UBE2H: variants seen among roughly 807,000 people sequenced by gnomAD.
UBE2H encodes ubiquitin conjugating enzyme E2 H.
A neutral mutation model predicts 29.0 loss-of-function variants in UBE2H; 3 were observed. That is an observed-to-expected ratio of 0.10 (90% CI 0.05 to 0.27). UBE2H has a LOEUF of 0.27. UBE2H is among the 10% of genes least tolerant of loss of function. The pLI, the probability that UBE2H is intolerant of heterozygous loss-of-function variation, is 1.00. For missense variants in UBE2H, 68 were observed against 228.2 expected (o/e 0.30, Z 4.52); for synonymous variants, 69 against 82.9 (o/e 0.83, Z 0.91).
chr7:129,905,229 A>C (rs1806792350), intron 1 of UBE2H, among the ~76,000 whole-genome samples: 1 of 151,794 alleles, frequency 6.6e-6, no homozygotes, highest in Non-Finnish European at 1.5e-5. Context: ...GGGCCACTGA[A>C]GCAACTAGAT....
intron 1 of UBE2H, among the ~76,000 whole-genome samples, chr7:129,949,758 A>C (rs961792113): frequency 2.0e-5 from 3 of 152,024 alleles, no homozygotes; most frequent in Non-Finnish European, 4.4e-5. Flanking sequence ...CCCTACCCCC[A>C]CACTGCTACT....
At chr7:129,906,502 C>T (rs1246932358) in intron 1 of UBE2H, among the ~76,000 whole-genome samples, 2 of 152,058 alleles carry the variant, frequency 1.3e-5, no homozygotes, top group African/African-American at 4.8e-5. Context: ...ACGCGCCCAG[C>T]CCTGAGTAAA....
chr7:129,900,053 A>G (rs1806678004), intron 1 of UBE2H, among the ~76,000 whole-genome samples: 1 of 151,900 alleles, frequency 6.6e-6, no homozygotes, highest in African/African-American at 2.4e-5. Context: ...TCGCTTGAAC[A>G]TGGGAAGTGG....
At chr7:129,838,928 C>T (rs1028941840) in intron 6 of UBE2H, among the ~76,000 whole-genome samples, 6 of 152,192 alleles carry the variant, frequency 3.9e-5, no homozygotes, top group Non-Finnish European at 8.8e-5. Flanking sequence ...TGAGCCACCA[C>T]GGCCAGTCGC....
chr7:129,951,107 A>G (rs1375325975), intron 1 of UBE2H, among the ~76,000 whole-genome samples: 1 of 152,158 alleles, frequency 6.6e-6, no homozygotes, highest in Non-Finnish European at 1.5e-5. Context: ...TCTCTTGCCC[A>G]GACAACTTCC....
chr7:129,891,926 G>A (rs965258756), intron 1 of UBE2H, among the ~76,000 whole-genome samples: 2 of 146,326 alleles, frequency 1.4e-5, no homozygotes, highest in Non-Finnish European at 3.0e-5. Flanking sequence ...ACATTCTTAA[G>A]CAGAATACTA....
intron 5 of UBE2H, 72 bp downstream of exon 5, chr7:129,857,434 CAGAAA>C: frequency 6.7e-7 from 1 of 1,490,264 alleles, no homozygotes; most frequent in Non-Finnish European, 9.2e-7. Context: ...CATCTTAAAC[CAGAAA>C]AGAAAAGCCA....
rs571832403 is a variant in UBE2H, at chr7:129,888,600, G to A, written c.54-7629C>T. ...AGCCATTCTCCTGCCTCGGCCTCCC[G>A]AGTAGCTGGGATTACAGGCGCCTGG... On this transcript the variant is annotated intron_variant, in intron 1 of 6. Coordinates refer to ENST00000355621, the MANE Select transcript of UBE2H (RefSeq NM_003344.4). 6.6e-5 allele frequency among the ~76,000 whole-genome samples: 10 copies of A among 152,122 alleles called. No homozygotes were observed. The South Asian group carries it at 1.2e-3, about 19-fold the overall frequency.
intron 1 of UBE2H, among the ~76,000 whole-genome samples, chr7:129,946,651 T>G (rs1161321684): frequency 6.6e-6 from 1 of 152,168 alleles, no homozygotes; most frequent in Non-Finnish European, 1.5e-5. Flanking sequence ...TGATTATTTG[T>G]TTTTTGTTTT....
At chr7:129,933,645 G>GA (rs1374517265) in intron 1 of UBE2H, among the ~76,000 whole-genome samples, 1 of 133,230 alleles carries the variant, frequency 7.5e-6, no homozygotes. Context: ...CATCCACACA[G>GA]AAAAGAATTG....
At chr7:129,850,874 C>CAG (rs1215154111) in intron 5 of UBE2H, among the ~76,000 whole-genome samples, 4 of 141,186 alleles carry the variant, frequency 2.8e-5, no homozygotes, top group Non-Finnish European at 6.2e-5. Context: ...GGGGGAGGGA[C>CAG]AGAGAGAGAG....
At chr7:129,927,339 A>G (rs1807290522) in intron 1 of UBE2H, among the ~76,000 whole-genome samples, 2 of 152,194 alleles carry the variant, frequency 1.3e-5, no homozygotes, top group South Asian at 4.1e-4. Context: ...CAGGAATTCA[A>G]GACCAGCCTG....
At chr7:129,906,267 G>C (rs1360986374) in intron 1 of UBE2H, among the ~76,000 whole-genome samples, 1 of 150,194 alleles carries the variant, frequency 6.7e-6, no homozygotes, top group Non-Finnish European at 1.5e-5. Context: ...GTGCAGTGGC[G>C]CCACCTTGGC....
intron 3 of UBE2H, among the ~76,000 whole-genome samples, chr7:129,873,425 CTTTTTT>C (rs373132869): frequency 8.1e-6 from 1 of 122,978 alleles, no homozygotes; most frequent in Non-Finnish European, 1.7e-5. Flanking sequence ...ACATCAAATT[CTTTTTT>C]TTTTTTTTTT....
At chr7:129,857,377 A>G in intron 5 of UBE2H, 134 bp downstream of exon 5, 1 of 831,678 alleles carries the variant, frequency 1.2e-6, no homozygotes, top group South Asian at 1.8e-5. Context: ...CACTGATCAA[A>G]CTTTCCCAGT....
intron 3 of UBE2H, among the ~76,000 whole-genome samples, chr7:129,866,645 A>C (rs537105484): frequency 6.4e-4 from 97 of 152,328 alleles, no homozygotes; most frequent in Non-Finnish European, 1.2e-3. Flanking sequence ...GAGGTGACAG[A>C]TATCCCAATT....
At chr7:129,846,170 T>C (rs1168354733) in intron 5 of UBE2H, among the ~76,000 whole-genome samples, 1 of 152,132 alleles carries the variant, frequency 6.6e-6, no homozygotes, top group African/African-American at 2.4e-5. Context: ...TATGAACCAG[T>C]GACCACAAGT....
intron 1 of UBE2H, among the ~76,000 whole-genome samples, chr7:129,902,300 A>C (rs1584775913): frequency 6.6e-6 from 1 of 152,148 alleles, no homozygotes; most frequent in African/African-American, 2.4e-5. Flanking sequence ...GGAGTTCAAG[A>C]CCAGCCTGGC....
At chr7:129,905,610 C>A (rs1806799918) in intron 1 of UBE2H, among the ~76,000 whole-genome samples, 1 of 152,032 alleles carries the variant, frequency 6.6e-6, no homozygotes, top group Admixed American at 6.6e-5. Flanking sequence ...GGCCAGAACT[C>A]AAAACAGAGG....
Sources: allele counts gnomAD v4.1 joint callset (sites outside exome capture counted in the v4.1 genomes callset), GRCh38; gene constraint gnomAD v4.1.1; transcripts MANE v1.5; gene names NCBI Gene and HGNC (gene_info 2026-07-23, HGNC 2026-07-21).